Variants in CSMD1 observed in about 807,000 individuals in gnomAD.
The protein encoded by CSMD1 is CUB and sushi domain-containing protein 1.
In CSMD1, 213 loss-of-function variants were observed where a neutral mutation model predicts 417.5. The observed-to-expected ratio is 0.51, with a 90% CI of 0.46 to 0.57. The LOEUF (loss-of-function observed/expected upper bound fraction) is 0.57. Ranked by LOEUF, CSMD1 falls within the 20% of genes least tolerant of loss-of-function variation. The pLI is 0.00. For missense variants in CSMD1, 6,923 were observed against 4,529.7 expected (o/e 1.53, Z -15.17); for synonymous variants, 2,862 against 1,736.8 (o/e 1.65, Z -16.11).
chr8:4,061,398 T>C (rs1798966333), intron 3 of CSMD1, among the ~76,000 whole-genome samples: 1 of 152,210 alleles, frequency 6.6e-6, no homozygotes, highest in South Asian at 2.1e-4. Context: ...CACAACAGAT[T>C]AAATCAGCTT....
chr8:4,433,295 A>C (rs1048327520), intron 2 of CSMD1, among the ~76,000 whole-genome samples: 3 of 152,218 alleles, frequency 2.0e-5, no homozygotes, highest in Non-Finnish European at 4.4e-5. Flanking sequence ...GGTCCGTAGA[A>C]AAACTGGCTT....
At chr8:4,370,913 T>C (rs1187884666) in intron 3 of CSMD1, among the ~76,000 whole-genome samples, 1 of 152,224 alleles carries the variant, frequency 6.6e-6, no homozygotes, top group African/African-American at 2.4e-5. Flanking sequence ...CTGAAGTCTA[T>C]GTCTGACACA....
intron 5 of CSMD1, among the ~76,000 whole-genome samples, chr8:3,923,988 TA>T (rs1337103207): frequency 6.6e-6 from 1 of 152,240 alleles, no homozygotes; most frequent in African/African-American, 2.4e-5. Flanking sequence ...CACTTACCTT[TA>T]CAGGTAAGTT....
At chr8:3,063,531 T>G (rs997637012) in intron 49 of CSMD1, among the ~76,000 whole-genome samples, 2 of 152,176 alleles carry the variant, frequency 1.3e-5, no homozygotes, top group African/African-American at 4.8e-5. Context: ...CTTGTACAGT[T>G]ATGTCCCTAG....
At chr8:4,191,726 A>G (rs1261969694) in intron 3 of CSMD1, among the ~76,000 whole-genome samples, 2 of 139,370 alleles carry the variant, frequency 1.4e-5, no homozygotes, top group Non-Finnish European at 3.1e-5. Flanking sequence ...CTTCCACTGA[A>G]AAAAGGGAAG....
rs368209130 is a variant in CSMD1 at position 4,873,498 on chromosome 8, G to A, written c.85+120834C>T. ...TTTACTTCTTAAAACTGACCTTAGTGGAACTGGAAATGCTTCAACTTGTGT... is the reference window on the plus strand; with the variant it reads ...TTTACTTCTTAAAACTGACCTTAGTAGAACTGGAAATGCTTCAACTTGTGT... On this transcript the variant is annotated intron_variant, in intron 1 of 69. Coordinates refer to ENST00000635120, the MANE Select transcript of CSMD1 (RefSeq NM_033225.6). 7.0e-4 allele frequency among the ~76,000 whole-genome samples: 106 copies of A among 152,208 alleles called. 3 individuals carry two copies. In the South Asian group the frequency reaches 0.012, roughly 17 times the overall value.
chr8:4,140,483 A>G (rs534411513), intron 3 of CSMD1, among the ~76,000 whole-genome samples: 3 of 146,460 alleles, frequency 2.0e-5, no homozygotes, highest in Middle Eastern at 3.4e-3. Flanking sequence ...AAGCAACAAA[A>G]TCCATCTCAA....
chr8:3,965,779 G>A (rs550347109), intron 5 of CSMD1, among the ~76,000 whole-genome samples: 4 of 152,042 alleles, frequency 2.6e-5, no homozygotes, highest in Non-Finnish European at 2.9e-5. Flanking sequence ...CACCACACCT[G>A]GCTAATATTT....
Position 2,991,862 on chromosome 8 carries a change from AAAG to A in CSMD1, c.8377+6146_8377+6148del, listed in dbSNP as rs1806416322. 5.3e-5 allele frequency among the ~76,000 whole-genome samples: 8 copies of A among 152,328 alleles called. No homozygotes were observed. In the South Asian group the frequency reaches 1.7e-3, roughly 32 times the overall value. On this transcript the variant is annotated intron_variant, in intron 54 of 69. Coordinates refer to ENST00000635120, the MANE Select transcript of CSMD1 (RefSeq NM_033225.6). ...GTTTTTAATAAATTCCACCTATTAC[AAAG>A]AAGCAGTGGGTACAAAAGTCACAGG...
intron 3 of CSMD1, among the ~76,000 whole-genome samples, chr8:4,334,404 A>C (rs552133510): frequency 5.3e-5 from 8 of 152,124 alleles, no homozygotes; most frequent in Non-Finnish European, 1.0e-4. Flanking sequence ...GGGGAACTTT[A>C]AGAGCAAATA....
chr8:4,873,441 A>G (rs558590999), intron 1 of CSMD1, among the ~76,000 whole-genome samples: 5 of 152,126 alleles, frequency 3.3e-5, no homozygotes, highest in Non-Finnish European at 5.9e-5. Flanking sequence ...AACTCAGAGA[A>G]TATTCCCTTC....
intron 2 of CSMD1, among the ~76,000 whole-genome samples, chr8:4,472,185 G>C (rs1025257382): frequency 3.3e-5 from 5 of 152,088 alleles, no homozygotes; most frequent in African/African-American, 1.2e-4. Context: ...TTATTAAAAT[G>C]TTATTTTTTC....
Position 4,642,669 on chromosome 8 carries a change from T to A in CSMD1, c.86-5111A>T, listed in dbSNP as rs74929621. On this transcript the variant is annotated intron_variant, in intron 1 of 69. Transcript: ENST00000635120. ...AATATTTAAAAACTGGTGTGCCAAATATGTTCTACTACCTCATTTAATTCG... is the reference window on the plus strand; with the variant it reads ...AATATTTAAAAACTGGTGTGCCAAAAATGTTCTACTACCTCATTTAATTCG... Among the ~76,000 whole-genome samples the A allele has an allele frequency of 5.3e-3, 813 of 152,328 alleles. 29 individuals are homozygous for A. In the East Asian group the frequency reaches 0.099, roughly 19 times the overall value.
intron 3 of CSMD1, among the ~76,000 whole-genome samples, chr8:4,316,048 G>A (rs186171586): frequency 6.6e-6 from 1 of 151,742 alleles, no homozygotes; most frequent in Non-Finnish European, 1.5e-5. Flanking sequence ...ATCCCACTGA[G>A]AAATATATGA....
At chr8:3,471,004 G>A (rs1417814798) in intron 11 of CSMD1, among the ~76,000 whole-genome samples, 2 of 152,152 alleles carry the variant, frequency 1.3e-5, no homozygotes, top group African/African-American at 4.8e-5. Context: ...GTTTCTGTGT[G>A]AGCATAAATC....
chr8:3,062,353 T>A (rs1812644268), intron 49 of CSMD1, among the ~76,000 whole-genome samples: 1 of 152,074 alleles, frequency 6.6e-6, no homozygotes, highest in Non-Finnish European at 1.5e-5. Flanking sequence ...ATAGAACTGG[T>A]CACACTGCTT....
chr8:4,050,201 T>C (rs1354920251), intron 3 of CSMD1, among the ~76,000 whole-genome samples: 1 of 152,126 alleles, frequency 6.6e-6, no homozygotes, highest in Non-Finnish European at 1.5e-5. Context: ...ACTTGATCAC[T>C]TGGCTAGGGT....
intron 2 of CSMD1, among the ~76,000 whole-genome samples, chr8:4,516,350 T>G (rs1236299213): frequency 3.3e-5 from 5 of 152,116 alleles, no homozygotes; most frequent in Non-Finnish European, 4.4e-5. Flanking sequence ...TTTCTGTTCT[T>G]TAAGGCATCC....
intron 37 of CSMD1, among the ~76,000 whole-genome samples, chr8:3,180,705 G>C (rs1454004252): frequency 6.6e-6 from 1 of 151,988 alleles, no homozygotes; most frequent in Non-Finnish European, 1.5e-5. Context: ...GTGCAATCTT[G>C]GCTCATGGCA....
Sources: allele counts gnomAD v4.1 joint callset (sites outside exome capture counted in the v4.1 genomes callset), GRCh38; gene constraint gnomAD v4.1.1; transcripts MANE v1.5; gene names NCBI Gene and HGNC (gene_info 2026-07-23, HGNC 2026-07-21).